Variants in ZNF599 observed in about 807,000 individuals in gnomAD.
The protein encoded by ZNF599 is zinc finger protein 599.
ZNF599 carries 10 observed loss-of-function variants against 11.7 expected under a neutral mutation model. The ratio of observed to expected loss-of-function variants is 0.86; its 90% confidence interval spans 0.53 to 1.45. ZNF599 has a LOEUF of 1.45. Ranked by LOEUF, ZNF599 falls within the 40% of genes most tolerant of loss-of-function variation. The pLI is 0.00. For synonymous variants in ZNF599, 232 were observed against 253.2 expected, an observed-to-expected ratio of 0.92 and a Z score of 0.79; for missense variants, 688 against 713.6, an observed-to-expected ratio of 0.96 and a Z score of 0.41.
the ZNF599 span, among the ~76,000 whole-genome samples, chr19:34,778,416 GA>G: frequency 5.3e-5 from 8 of 151,928 alleles, no homozygotes; most frequent in African/African-American, 1.5e-4. Context: ...GAAATAAGCA[GA>G]AAAAACTTAG....
At chr19:34,773,239 G>C (rs1415965790), upstream of ZNF599, 2 of 222,312 alleles carry the variant, frequency 9.0e-6, no homozygotes, top group Non-Finnish European at 1.8e-5. Flanking sequence ...CGCCGCTACG[G>C]GAACGCCCCT....
In ZNF599 at chr19:34,772,993, C is replaced by T; in HGVS notation, c.-152G>A. ...CAAGGTTCGCGGCGCCGCCTCTGCG[C>T]GCCGTGAGGACACAGGGCTGTCGCC... On this transcript the variant is annotated 5_prime_UTR_variant, in exon 1 of 4. Transcript: ENST00000329285. The T allele has an allele frequency of 2.1e-6, 2 of 934,568 alleles. No homozygotes were observed. Among genetic ancestry groups the T allele is most frequent in the Non-Finnish European group, 3.0e-6 (2 of 665,168 alleles). The allele number at this position is 934,568 out of a possible 1,614,324, so 57.9% of individuals were successfully genotyped here.
chr19:34,800,684 C>T, the ZNF599 span, among the ~76,000 whole-genome samples: 1 of 148,402 alleles, frequency 6.7e-6, no homozygotes, highest in Admixed American at 6.8e-5. Context: ...CAACCTCTGC[C>T]CCCCGGGTCC....
rs943021861 is a variant in ZNF599, at chr19:34,769,177, G to T, written c.145+252C>A. 2.0e-4 allele frequency among the ~76,000 whole-genome samples: 30 copies of T among 152,212 alleles called. 1 individual carries two copies. Among genetic ancestry groups the T allele is most frequent in the Non-Finnish European group, 3.1e-4 (21 of 68,032 alleles). On this transcript the variant is annotated intron_variant, in intron 2 of 3. Coordinates refer to ENST00000329285, the MANE Select transcript of ZNF599 (RefSeq NM_001007248.3). Reference sequence around the variant, plus strand: ...CCAATTACCTCTTGTGGCAGTCTGGGATAAAGATGTCAGACTGAGGCCAGC... The same window carrying T: ...CCAATTACCTCTTGTGGCAGTCTGGTATAAAGATGTCAGACTGAGGCCAGC...
intron 3 of ZNF599, 96 bp from the exon 4 acceptor site, chr19:34,760,655 T>A: frequency 9.3e-7 from 1 of 1,079,654 alleles, no homozygotes; most frequent in Non-Finnish European, 1.3e-6. Context: ...GTGAAAACAG[T>A]GTCTCTGATG....
chr19:34,772,357 T>C, intron 1 of ZNF599: 1 of 994,598 alleles, frequency 1.0e-6, no homozygotes, highest in Non-Finnish European at 1.2e-6. Context: ...GAGGCTCTCA[T>C]TCCCTCTCCC....
upstream of ZNF599, among the ~76,000 whole-genome samples, chr19:34,777,410 A>G (rs1271958211): frequency 1.9e-3 from 173 of 91,242 alleles, 1 homozygote; most frequent in African/African-American, 7.5e-3. Flanking sequence ...TATTATATAT[A>G]ATATATATTA....
the ZNF599 span, among the ~76,000 whole-genome samples, chr19:34,785,341 G>A: frequency 6.6e-6 from 1 of 151,958 alleles, no homozygotes; most frequent in Non-Finnish European, 1.5e-5. Flanking sequence ...CTATTACTTG[G>A]TCACTCTGCT....
At chr19:34,782,240 G>A in the ZNF599 span, among the ~76,000 whole-genome samples, 2 of 152,202 alleles carry the variant, frequency 1.3e-5, no homozygotes, top group Non-Finnish European at 2.9e-5. Context: ...TGGCAGGTGA[G>A]TGGCCAGCAT....
the ZNF599 span, among the ~76,000 whole-genome samples, chr19:34,782,155 G>C: frequency 6.6e-6 from 1 of 152,314 alleles, no homozygotes; most frequent in South Asian, 2.1e-4. Context: ...TGTCTGCTCT[G>C]TTCAGGCACC....
the ZNF599 span, chr19:34,791,700 T>A: frequency 6.6e-6 from 1 of 152,224 alleles, no homozygotes; most frequent in Admixed American, 6.5e-5. Flanking sequence ...GTCAAAGGAC[T>A]GTATGGATCC....
At chr19:34,771,759 C>A (rs2069185361) in intron 1 of ZNF599, among the ~76,000 whole-genome samples, 1 of 152,152 alleles carries the variant, frequency 6.6e-6, no homozygotes, top group Non-Finnish European at 1.5e-5. Context: ...ATTCATTAAT[C>A]ACTTATCGAC....
chr19:34,767,203 C>T, intron 3 of ZNF599, 113 bp downstream of exon 3: 2 of 740,192 alleles, frequency 2.7e-6, no homozygotes, highest in South Asian at 1.7e-5. Flanking sequence ...GGGTCAAGGG[C>T]TCCATGACTG....
At position 34,759,579 on chromosome 19, in the gene ZNF599, A is replaced by G. The variant is rs1485967274; in HGVS notation, c.1222T>C (p.Ser408Pro). 1.2e-6 allele frequency: 2 copies of G among 1,613,002 alleles called. No individual in the cohort carries two copies. The highest frequency in any genetic ancestry group is 1.7e-6 in the Non-Finnish European group (2 of 1,179,766). The change falls in exon 4 of 4, where the codon TCC becomes CCC. Residue 408 changes from serine to proline, a missense_variant. Coordinates refer to ENST00000329285, the MANE Select transcript of ZNF599 (RefSeq NM_001007248.3). ...GECGKAFTHR[S>P]TFIRHKRTHT... is the part of the protein sequence containing the mutation. ...GTCCTCTTATGTCGGATGAAAGTGG[A>G]GCGATGAGTAAAGGCCTTTCCACAT...
chr19:34,785,258 T>C, the ZNF599 span, among the ~76,000 whole-genome samples: 48 of 152,172 alleles, frequency 3.2e-4, no homozygotes, highest in African/African-American at 1.1e-3. Context: ...AAAAAATAGA[T>C]GCAGAATCTA....
intron 2 of ZNF599, among the ~76,000 whole-genome samples, chr19:34,768,975 TGCTAGGA>T (rs1600158764): frequency 2.0e-5 from 3 of 152,206 alleles, no homozygotes; most frequent in Admixed American, 6.5e-5. Flanking sequence ...ACTGTGCAGG[TGCTAGGA>T]GCCAAAGAGA....
the ZNF599 span, among the ~76,000 whole-genome samples, chr19:34,794,390 A>T: frequency 1.3e-5 from 2 of 152,148 alleles, no homozygotes; most frequent in Non-Finnish European, 2.9e-5. Context: ...TTAATGTACA[A>T]TGAGCAACGA....
the ZNF599 span, among the ~76,000 whole-genome samples, chr19:34,795,103 C>T: frequency 3.3e-5 from 5 of 152,158 alleles, no homozygotes; most frequent in Non-Finnish European, 5.9e-5. Flanking sequence ...AAGACACAGA[C>T]TTTACTAAGA....
intron 3 of ZNF599, chr19:34,763,373 G>C (rs923115979): frequency 2.6e-5 from 4 of 152,214 alleles, no homozygotes; most frequent in African/African-American, 9.7e-5. Flanking sequence ...ATGAAAGTCA[G>C]AGGGGGGCCA....
Sources: gnomAD v4.1 joint callset for allele counts (sites outside exome capture counted in the v4.1 genomes callset) on GRCh38, gnomAD v4.1.1 for gene constraint, MANE v1.5 for transcripts, NCBI Gene and HGNC (gene_info 2026-07-23, HGNC 2026-07-21) for gene names.